NICOL1: variants seen among roughly 807,000 people sequenced by gnomAD.
NICOL1 encodes NELL2 interacting cell ontogeny regulator 1, also known as NELL2-interacting cell ontogeny regulator 1.
At chr4:2,037,343 C>T in the NICOL1 span, among the ~76,000 whole-genome samples, 1 of 152,328 alleles carries the variant, frequency 6.6e-6, no homozygotes, top group East Asian at 1.9e-4. Context: ...ATCAACCTGC[C>T]TCGGCCTCCC....
chr4:2,043,224 AG>A, the NICOL1 span, among the ~76,000 whole-genome samples: 9 of 152,144 alleles, frequency 5.9e-5, no homozygotes, highest in Non-Finnish European at 1.0e-4. Context: ...CGAAAGTGTC[AG>A]GAATGGGGGG....
At chr4:2,042,039 C>G in the NICOL1 span, 1 of 1,477,336 alleles carries the variant, frequency 6.8e-7, no homozygotes, top group Non-Finnish European at 8.9e-7. Flanking sequence ...GGTGTCCCCG[C>G]GCTGCTGGTC....
the NICOL1 span, chr4:2,042,773 G>T: frequency 6.6e-7 from 1 of 1,518,942 alleles, no homozygotes; most frequent in South Asian, 1.2e-5. Flanking sequence ...TCGAGTTCAT[G>T]CAGCGCGCCC....
At chr4:2,041,150 T>TGGGTG in the NICOL1 span, among the ~76,000 whole-genome samples, 1 of 65,638 alleles carries the variant, frequency 1.5e-5, no homozygotes, top group African/African-American at 5.9e-5. Flanking sequence ...CTGGGTGGGG[T>TGGGTG]GGGGGGGGAG....
At chr4:2,043,870 C>G in the NICOL1 span, 1 of 1,549,634 alleles carries the variant, frequency 6.5e-7, no homozygotes, top group Admixed American at 2.0e-5. Context: ...GACGGAGACC[C>G]TACTGCTGCA....
At chr4:2,041,907 G>C in the NICOL1 span, 22 of 1,350,338 alleles carry the variant, frequency 1.6e-5, no homozygotes, top group African/African-American at 2.9e-4. Flanking sequence ...AGCGTCCTAG[G>C]TTCCTCTAAA....
At chr4:2,040,647 C>A in the NICOL1 span, among the ~76,000 whole-genome samples, 1 of 152,164 alleles carries the variant, frequency 6.6e-6, no homozygotes, top group Non-Finnish European at 1.5e-5. Context: ...CGCACTAGCC[C>A]GACACTCGGG....
At chr4:2,041,147 G>C in the NICOL1 span, among the ~76,000 whole-genome samples, 1 of 145,696 alleles carries the variant, frequency 6.9e-6, no homozygotes, top group Non-Finnish European at 1.5e-5. Context: ...CTGCTGGGTG[G>C]GGTGGGGGGG....
the NICOL1 span, among the ~76,000 whole-genome samples, chr4:2,039,086 C>T: frequency 2.0e-5 from 3 of 152,082 alleles, no homozygotes; most frequent in Non-Finnish European, 2.9e-5. Context: ...TGCTTGTCCT[C>T]TTGTTGGATT....
chr4:2,042,693 A>G, the NICOL1 span: 1 of 1,184,806 alleles, frequency 8.4e-7, no homozygotes, highest in Non-Finnish European at 1.2e-6. Flanking sequence ...CTTGCGGGTG[A>G]CCCCCCCTGC....
the NICOL1 span, chr4:2,042,039 C>A: frequency 3.4e-6 from 5 of 1,477,336 alleles, no homozygotes; most frequent in Non-Finnish European, 2.7e-6. Context: ...GGTGTCCCCG[C>A]GCTGCTGGTC....
chr4:2,037,413 T>A, the NICOL1 span, among the ~76,000 whole-genome samples: 1 of 152,158 alleles, frequency 6.6e-6, no homozygotes, highest in Admixed American at 6.5e-5. Flanking sequence ...CTAAATAACT[T>A]CTTAATCAAG....
chr4:2,041,768 C>T, the NICOL1 span: 2 of 463,792 alleles, frequency 4.3e-6, no homozygotes, highest in Non-Finnish European at 3.7e-6. Context: ...CTCCCGCCGG[C>T]CTTGCGCTCT....
At chr4:2,042,009 C>T in the NICOL1 span, 2 of 1,470,348 alleles carry the variant, frequency 1.4e-6, no homozygotes, top group Non-Finnish European at 1.8e-6. Flanking sequence ...GCGTTGCGCG[C>T]CGGACGCGGA....
At chr4:2,037,672 A>G in the NICOL1 span, among the ~76,000 whole-genome samples, 1 of 152,236 alleles carries the variant, frequency 6.6e-6, no homozygotes, top group Non-Finnish European at 1.5e-5. Flanking sequence ...GTAAATGTAA[A>G]TAGGATAAAC....
the NICOL1 span, among the ~76,000 whole-genome samples, chr4:2,040,303 C>T: frequency 1.3e-5 from 2 of 152,214 alleles, no homozygotes; most frequent in East Asian, 3.8e-4. Flanking sequence ...CACGGGGTTT[C>T]GCCATGTTGG....
chr4:2,037,386 G>A, the NICOL1 span, among the ~76,000 whole-genome samples: 4 of 152,124 alleles, frequency 2.6e-5, no homozygotes, highest in African/African-American at 9.7e-5. Flanking sequence ...GAGCCACTGC[G>A]CTCAGCCAAT....
At chr4:2,042,131 C>A in the NICOL1 span, 3 of 1,462,978 alleles carry the variant, frequency 2.1e-6, no homozygotes, top group Non-Finnish European at 2.7e-6. Context: ...GGACTAGAGG[C>A]TCGCTGGGCC....
chr4:2,042,397 C>A, the NICOL1 span: 1 of 509,314 alleles, frequency 2.0e-6, no homozygotes, highest in South Asian at 2.8e-5. Flanking sequence ...ACCGCCGCCG[C>A]CGCCGCTGCT....
Sources: allele counts gnomAD v4.1 joint callset (sites outside exome capture counted in the v4.1 genomes callset), GRCh38; gene constraint gnomAD v4.1.1; transcripts MANE v1.5; gene names NCBI Gene and HGNC (gene_info 2026-07-23, HGNC 2026-07-21).